The following SLC9A3 variants were observed in gnomAD, a reference collection of about 807,000 sequenced individuals.
The protein encoded by SLC9A3 is sodium/hydrogen exchanger 3.
SLC9A3 carries 37 observed loss-of-function variants against 86.8 expected under a neutral mutation model. The observed-to-expected ratio is 0.43, with a 90% CI of 0.33 to 0.56. The LOEUF (loss-of-function observed/expected upper bound fraction) is 0.56. Ranked by LOEUF, SLC9A3 falls within the 20% of genes least tolerant of loss-of-function variation. The probability of loss-of-function intolerance (pLI) is 0.06; values close to 1 mark genes in which losing one functional copy is unlikely to be tolerated. For synonymous variants in SLC9A3, 581 were observed against 528.3 expected, an observed-to-expected ratio of 1.10 and a Z score of -1.37; for missense variants, 1,011 against 1,171.9, an observed-to-expected ratio of 0.86 and a Z score of 2.00.
At chr5:499,454 G>C (rs1740166405) in intron 1 of SLC9A3, among the ~76,000 whole-genome samples, 1 of 152,230 alleles carries the variant, frequency 6.6e-6, no homozygotes, top group African/African-American at 2.4e-5. Context: ...AACCAGGCCT[G>C]GGCCTGTGGT....
At chr5:488,127 A>G (rs6872583) in intron 3 of SLC9A3, among the ~76,000 whole-genome samples, 189 bp downstream of exon 3, 2,740 of 152,354 alleles carry the variant, frequency 0.018, 89 homozygotes, top group African/African-American at 0.06. Flanking sequence ...GGAAGATACA[A>G]AGAAGCCTCG....
At position 497,373 on chromosome 5, in the gene SLC9A3, G is replaced by A. The variant is rs1740071266; in HGVS notation, c.212-5302C>T. Among the ~76,000 whole-genome samples, 1 of 152,104 alleles carries A rather than the reference G, an allele frequency of 6.6e-6. No homozygotes were observed. The stretch of plus-strand genomic sequence containing the variant: ...TTCTCTGCTCCCGGGTCTCAAATCC[G>A]GGTTCTTCCCTTGACAGCTGGCGTC... On this transcript the variant is annotated intron_variant, in intron 1 of 16. Coordinates refer to ENST00000264938, the MANE Select transcript of SLC9A3 (RefSeq NM_004174.4). The surrounding 1 kb of genome is among the most constrained non-coding windows in gnomAD (Gnocchi z 5.4).
chr5:472,923 A>G lies in SLC9A3; in HGVS notation c.*456T>C. The G allele has an allele frequency of 1.8e-6, 1 of 543,918 alleles. No individual in the cohort carries two copies. The highest frequency in any genetic ancestry group is 3.2e-5 in the Admixed American group (1 of 31,734). The allele number at this position is 543,918 out of a possible 1,614,324, so 33.7% of individuals were successfully genotyped here. A position where few individuals can be genotyped will look rare whatever the true frequency, so the allele number is the denominator to read the frequency against. On this transcript the variant is annotated 3_prime_UTR_variant, in exon 17 of 17. Transcript: ENST00000264938. ...CCCGGCAGCGGTGGGAAAGGGCGCG[A>G]GCGGCCAGCCATGGCGCGCGGACCC...
chr5:489,751 G>A (rs550847635), intron 2 of SLC9A3, among the ~76,000 whole-genome samples: 6 of 152,296 alleles, frequency 3.9e-5, no homozygotes, highest in East Asian at 3.9e-4. Flanking sequence ...CTCCTGGCAC[G>A]GCCGCCCCCA....
intron 1 of SLC9A3, among the ~76,000 whole-genome samples, chr5:504,828 G>A (rs1740472586): frequency 6.6e-6 from 1 of 152,102 alleles, no homozygotes; most frequent in African/African-American, 2.4e-5. Flanking sequence ...GAAGGGGAGG[G>A]CAGGGGTGCG....
At chr5:488,187 G>C in intron 3 of SLC9A3, 129 bp downstream of exon 3, 1 of 994,074 alleles carries the variant, frequency 1.0e-6, no homozygotes. Context: ...GGAGGGACGG[G>C]ACGCCCCCGG....
chr5:497,734 G>A lies in SLC9A3; in HGVS notation c.212-5663C>T, dbSNP rs1019681091. On this transcript the variant is annotated intron_variant, in intron 1 of 16. Transcript: ENST00000264938. The surrounding 1 kb of genome is among the most constrained non-coding windows in gnomAD (Gnocchi z 5.4). ...CTGTCCTGGGTGGGGTCGCCCGGCC[G>A]CATCCCCAGCCTCTGCCCCTGTCCC... Among the ~76,000 whole-genome samples, 18 of 108,032 alleles carry A rather than the reference G, an allele frequency of 1.7e-4. No homozygotes were observed. Among genetic ancestry groups the A allele is most frequent in the African/African-American group, 5.6e-4 (15 of 26,806 alleles). 70.9% of individuals were successfully genotyped at this position (108,032 alleles called of 152,430 possible). A position where few individuals can be genotyped will look rare whatever the true frequency, so the allele number is the denominator to read the frequency against.
chr5:480,191 T>G (rs950520019), intron 9 of SLC9A3: 5 of 492,610 alleles, frequency 1.0e-5, no homozygotes, highest in East Asian at 3.8e-5. Context: ...GCATGCCGCC[T>G]CCTCCAGAGG....
At chr5:473,613 G>T (rs567006787) in intron 16 of SLC9A3, among the ~76,000 whole-genome samples, 1 of 152,076 alleles carries the variant, frequency 6.6e-6, no homozygotes, top group African/African-American at 2.4e-5. Flanking sequence ...CCCCCGCCGG[G>T]GGTCCCGGGA....
intron 3 of SLC9A3, among the ~76,000 whole-genome samples, chr5:486,178 G>C (rs921824902): frequency 8.8e-6 from 1 of 113,856 alleles, no homozygotes; most frequent in Non-Finnish European, 2.1e-5. Context: ...AGAGGAAGCT[G>C]ACCCCACCCT....
chr5:522,688 G>A (rs1028844750), intron 1 of SLC9A3, among the ~76,000 whole-genome samples: 8 of 148,978 alleles, frequency 5.4e-5, no homozygotes, highest in Admixed American at 4.7e-4. Flanking sequence ...GCAGTGAGCC[G>A]AGATCGCGTC....
In SLC9A3 at chr5:474,979, A is replaced by G. The variant is rs1361625573; in HGVS notation, c.2405T>C (p.Met802Thr). The G allele has an allele frequency of 6.2e-7, 1 of 1,611,324 alleles. No individual in the cohort carries two copies. The highest frequency in any genetic ancestry group is 8.5e-7 in the Non-Finnish European group (1 of 1,179,262). ...PYSPGTFCRLMPFRLSSKSVD... is the reference protein window; with the variant it reads ...PYSPGTFCRLTPFRLSSKSVD... ...GGACTTGCTGCTGAGGCGGAAGGGC[A>G]TCAGGCGGCAGAAGGTGCCGGGAGA... is the stretch of plus-strand genomic sequence containing the variant. The change falls in exon 16 of 17, where the codon ATG becomes ACG. Residue 802 changes from methionine (M) to threonine (T), a missense_variant. By Grantham distance (81) the Met-to-Thr change is moderately conservative. Around this residue, in one of 3 missense-constraint regions of SLC9A3, gnomAD observed 397 missense variants for 346.3 expected, o/e 1.15. Coordinates refer to ENST00000264938, the MANE Select transcript of SLC9A3 (RefSeq NM_004174.4).
chr5:499,227 G>A lies in SLC9A3; in HGVS notation c.212-7156C>T, dbSNP rs114191483. ...GCTGGTGAAACCAAGAACTCAATTGGTTTTAAGAGGCAATTTGCTAGTAGT... is the reference window on the plus strand; with the variant it reads ...GCTGGTGAAACCAAGAACTCAATTGATTTTAAGAGGCAATTTGCTAGTAGT... On this transcript the variant is annotated intron_variant, in intron 1 of 16. Transcript: ENST00000264938. Among the ~76,000 whole-genome samples the A allele has an allele frequency of 4.9e-3, 745 of 152,360 alleles. 4 individuals are homozygous for A. The highest frequency in any genetic ancestry group is 0.017 in the African/African-American group (702 of 41,584).
At chr5:473,412 C>T in intron 16 of SLC9A3, 30 bp from the exon 17 acceptor site, 1 of 1,385,882 alleles carries the variant, frequency 7.2e-7, no homozygotes, top group Non-Finnish European at 9.4e-7. Context: ...GAGCGGCGCG[C>T]GGAGCCCGGG....
At chr5:516,444 C>T (rs547989973) in intron 1 of SLC9A3, among the ~76,000 whole-genome samples, 17 of 152,306 alleles carry the variant, frequency 1.1e-4, no homozygotes, top group Admixed American at 9.1e-4. Context: ...AGGGTATTGG[C>T]TGCCTGTGAC....
chr5:481,164 A>G (rs1002039021), intron 9 of SLC9A3, among the ~76,000 whole-genome samples: 3 of 152,252 alleles, frequency 2.0e-5, no homozygotes, highest in Non-Finnish European at 4.4e-5. Flanking sequence ...TGCTGGGATT[A>G]CAGGCTTGAG....
chr5:506,081 G>C (rs1364169188), intron 1 of SLC9A3, among the ~76,000 whole-genome samples: 1 of 152,072 alleles, frequency 6.6e-6, no homozygotes, highest in East Asian at 1.9e-4. Context: ...CTTTTGTGCA[G>C]GTAGACGGTG....
chr5:475,979 T>C, intron 14 of SLC9A3, 41 bp downstream of exon 14: 1 of 1,512,200 alleles, frequency 6.6e-7, no homozygotes, highest in Non-Finnish European at 9.0e-7. Flanking sequence ...TGGGAGGTGG[T>C]GGCTCCCAGT....
chr5:495,421 G>A (rs371365337), intron 1 of SLC9A3, among the ~76,000 whole-genome samples: 9,198 of 126,120 alleles, frequency 0.073, 555 homozygotes, highest in Admixed American at 0.12. Context: ...CACTCCCCGC[G>A]CCATCGCCGA....
Sources: allele counts gnomAD v4.1 joint callset (sites outside exome capture counted in the v4.1 genomes callset), GRCh38; gene constraint gnomAD v4.1.1; regional missense constraint gnomAD v4.1.1; non-coding constraint Gnocchi (gnomAD v3.1); transcripts MANE v1.5; gene names NCBI Gene and HGNC (gene_info 2026-07-23, HGNC 2026-07-21).